RAPGEF5: variants seen among roughly 807,000 people sequenced by gnomAD.
RAPGEF5 encodes M-Ras-regulated GEF.
A neutral mutation model predicts 125.2 loss-of-function variants in RAPGEF5; 65 were observed. That is an observed-to-expected ratio of 0.52 (90% CI 0.43 to 0.64). RAPGEF5 has a LOEUF of 0.64. Ranked by LOEUF, RAPGEF5 falls within the 30% of genes least tolerant of loss-of-function variation. RAPGEF5 has a pLI of 0.00. For synonymous variants in RAPGEF5, 391 were observed against 385.9 expected (o/e 1.01, Z -0.16); for missense variants, 958 against 1,048.1 (o/e 0.91, Z 1.19).
At position 22,356,918 on chromosome 7, in the gene RAPGEF5, G is replaced by A. The variant is rs1316511700; in HGVS notation, c.143C>T (p.Ala48Val). 9 of 1,090,746 alleles carry A rather than the reference G, an allele frequency of 8.3e-6. No homozygotes were observed. In the Admixed American group the frequency reaches 3.7e-4, roughly 44 times the overall value. 67.6% of individuals were successfully genotyped at this position (1,090,746 alleles called of 1,614,324 possible). A position where few individuals can be genotyped will look rare whatever the true frequency, so the allele number is the denominator to read the frequency against. ...AREPEREQPP[A>V]SLRPRLRDLP... ...GTCCCTCAGCCGCGGCCGCAGCGAC[G>A]CCGGCGGCTGCTCGCGCTCGGGCTC... is the stretch of plus-strand genomic sequence containing the variant. The change falls in exon 1 of 26, where the codon GCG becomes GTG. Residue 48 changes from alanine to valine, a missense_variant. Transcript: ENST00000665637.
intron 6 of RAPGEF5, among the ~76,000 whole-genome samples, chr7:22,282,977 T>C (rs1782708882): frequency 6.7e-6 from 1 of 149,928 alleles, no homozygotes; most frequent in Admixed American, 6.6e-5. Flanking sequence ...ACATATTAAA[T>C]AAAAAGTATA....
Position 22,154,556 on chromosome 7 carries a change from G to C in RAPGEF5, c.1685C>G (p.Ala562Gly). 3 of 1,613,824 alleles carry C rather than the reference G, an allele frequency of 1.9e-6. No individual in the cohort carries two copies. Residue 562 changes from alanine (A) to glycine (G), a missense_variant, in exon 17 of 26, where the codon GCA (alanine) becomes GGA (glycine). Coordinates refer to ENST00000665637, the MANE Select transcript of RAPGEF5 (RefSeq NM_012294.5). Reference protein sequence around the residue: ...ITEHSYVSVKAKVSSIAQEIL... With the variant: ...ITEHSYVSVKGKVSSIAQEIL... ...CTCTTGGGCTATACTGGAAACTTTT[G>C]CCTTCACACTGACATAGGAGTGCTC...
At chr7:22,311,234 T>G (rs1292310786) in intron 3 of RAPGEF5, among the ~76,000 whole-genome samples, 1 of 152,084 alleles carries the variant, frequency 6.6e-6, no homozygotes, top group Non-Finnish European at 1.5e-5. Flanking sequence ...CCCAGACTGG[T>G]CTCAAACTCC....
chr7:22,199,563 C>T (rs1340922970), intron 9 of RAPGEF5, among the ~76,000 whole-genome samples: 1 of 114,670 alleles, frequency 8.7e-6, no homozygotes, highest in East Asian at 2.7e-4. Context: ...AAAAAAGGAA[C>T]TGAGCAGAGA....
In RAPGEF5 at chr7:22,119,839, G is replaced by A. The variant is rs947064979; in HGVS notation, c.*2567C>T. On this transcript the variant is annotated 3_prime_UTR_variant, in exon 26 of 26. Coordinates refer to ENST00000665637, the MANE Select transcript of RAPGEF5 (RefSeq NM_012294.5). This position sits in a 1 kb window ranked among gnomAD's most constrained non-coding sequence, Gnocchi z 4.1. ...CAAACCCTATTCTGAAGAGGCCTTG[G>A]TGAATATCCAGAGAGGGTGCATGGC... 6.6e-6 allele frequency: 1 copy of A among 152,220 alleles called. No homozygotes were observed. Among genetic ancestry groups the A allele is most frequent in the Non-Finnish European group, 1.5e-5 (1 of 68,048 alleles). The allele number at this position is 152,220 out of a possible 1,614,324, so 9.4% of individuals were successfully genotyped here.
At chr7:22,244,816 C>A (rs1786434814) in intron 7 of RAPGEF5, among the ~76,000 whole-genome samples, 1 of 152,124 alleles carries the variant, frequency 6.6e-6, no homozygotes, top group Non-Finnish European at 1.5e-5. Flanking sequence ...CTTCAACATA[C>A]TAATTTCAAT....
intron 7 of RAPGEF5, among the ~76,000 whole-genome samples, chr7:22,260,927 C>T (rs1188116513): frequency 6.6e-6 from 1 of 152,064 alleles, no homozygotes; most frequent in Non-Finnish European, 1.5e-5. Flanking sequence ...AGAAATAAAT[C>T]CAAGCACAGC....
chr7:22,347,868 TATC>T (rs1270420428), intron 1 of RAPGEF5, among the ~76,000 whole-genome samples: 3 of 152,222 alleles, frequency 2.0e-5, no homozygotes, highest in African/African-American at 4.8e-5. Flanking sequence ...TATTAATAGT[TATC>T]ATCATTTTCA....
At chr7:22,320,754 A>G (rs1304151562) in intron 1 of RAPGEF5, among the ~76,000 whole-genome samples, 2 of 152,182 alleles carry the variant, frequency 1.3e-5, no homozygotes, top group Non-Finnish European at 2.9e-5. Flanking sequence ...CTGAGCACCC[A>G]GCACTGTGGG....
chr7:22,230,639 C>T (rs1041859270), intron 8 of RAPGEF5, among the ~76,000 whole-genome samples: 1 of 152,140 alleles, frequency 6.6e-6, no homozygotes, highest in African/African-American at 2.4e-5. Flanking sequence ...TGACCCTCTC[C>T]CATGAATCAA....
At chr7:22,304,806 A>C (rs749114642) in intron 5 of RAPGEF5, among the ~76,000 whole-genome samples, 27 of 152,194 alleles carry the variant, frequency 1.8e-4, no homozygotes, top group Non-Finnish European at 2.6e-4. Context: ...AAGTTCATTG[A>C]ACTGCTCCTT....
intron 6 of RAPGEF5, among the ~76,000 whole-genome samples, chr7:22,276,547 T>C (rs546656570): frequency 1.3e-5 from 2 of 152,312 alleles, no homozygotes; most frequent in African/African-American, 4.8e-5. Context: ...GTAGGGATGT[T>C]ACATTACAAA....
chr7:22,321,441 T>C (rs893974036), intron 1 of RAPGEF5, among the ~76,000 whole-genome samples: 1 of 152,342 alleles, frequency 6.6e-6, no homozygotes, highest in Non-Finnish European at 1.5e-5. Context: ...ATATTTTTCA[T>C]TAGTCCTTAA....
intron 12 of RAPGEF5, 120 bp downstream of exon 12, chr7:22,166,950 A>C: frequency 1.3e-6 from 1 of 775,356 alleles, no homozygotes; most frequent in South Asian, 1.7e-5. Context: ...TTACATTAAT[A>C]TTTAACATAT....
chr7:22,164,269 TGCAGCGA>T (rs916589095), intron 12 of RAPGEF5, among the ~76,000 whole-genome samples: 1 of 152,112 alleles, frequency 6.6e-6, no homozygotes, highest in Non-Finnish European at 1.5e-5. Context: ...AGGTTGAGGT[TGCAGCGA>T]GCCATGATCG....
intron 17 of RAPGEF5, among the ~76,000 whole-genome samples, chr7:22,152,922 T>A (rs1783675030): frequency 6.6e-6 from 1 of 152,190 alleles, no homozygotes; most frequent in Non-Finnish European, 1.5e-5. Context: ...ATGCTGATAT[T>A]TCTAGTGATG....
At chr7:22,285,366 C>T (rs1204024167) in intron 6 of RAPGEF5, among the ~76,000 whole-genome samples, 16 of 152,116 alleles carry the variant, frequency 1.1e-4, no homozygotes, top group Admixed American at 7.9e-4. Flanking sequence ...ACGAAGATTA[C>T]CCCCAGATCT....
In RAPGEF5 at chr7:22,154,455, C is replaced by T. The variant is rs770403934; in HGVS notation, c.1786G>A (p.Glu596Lys). ...TATTCAAGGGTAGAAAACAACTTAC[C>T]CCCAGAGAATGTGATGGCCACCAGA... ...LALVAITFSG[E>K]KHELQPNDLV... Residue 596 changes from glutamate (E) to lysine (K), a missense_variant and splice_region_variant, in exon 17 of 26, where the codon GAA becomes AAA. Glu to Lys is a moderately conservative substitution (Grantham distance 56). Transcript: ENST00000665637. The T allele has an allele frequency of 5.6e-6, 9 of 1,613,438 alleles. No homozygotes were observed. In the South Asian group the frequency reaches 9.9e-5, roughly 18 times the overall value.
intron 1 of RAPGEF5, among the ~76,000 whole-genome samples, chr7:22,326,096 T>C (rs941465384): frequency 3.3e-5 from 5 of 152,328 alleles, no homozygotes; most frequent in Admixed American, 3.3e-4. Context: ...CTGTCTTAAA[T>C]GTGTCTTTTC....
Sources: gnomAD v4.1 joint callset for allele counts (sites outside exome capture counted in the v4.1 genomes callset) on GRCh38, gnomAD v4.1.1 for gene constraint, Gnocchi (gnomAD v3.1) non-coding constraint, MANE v1.5 for transcripts, NCBI Gene and HGNC (gene_info 2026-07-23, HGNC 2026-07-21) for gene names.